The following ILDR2 variants were observed in gnomAD, a reference collection of about 807,000 sequenced individuals.
ILDR2 encodes immunoglobulin like domain containing receptor 2, also known as immunoglobulin-like domain-containing receptor 2.
Under a neutral mutation model 66.8 loss-of-function variants are expected in ILDR2, and 25 were observed. The observed-to-expected ratio is 0.37, with a 90% CI of 0.27 to 0.52. ILDR2 has a LOEUF of 0.52. ILDR2 is among the 20% of genes least tolerant of loss of function. The probability of loss-of-function intolerance (pLI) is 0.88; values close to 1 mark genes in which losing one functional copy is unlikely to be tolerated. For synonymous variants in ILDR2, 367 were observed against 357.2 expected, an observed-to-expected ratio of 1.03 and a Z score of -0.31; for missense variants, 827 against 876.8, an observed-to-expected ratio of 0.94 and a Z score of 0.72.
In ILDR2 at chr1:166,935,912, G is replaced by A. The variant is rs183108444; in HGVS notation, c.704-435C>T. ...AAAGCAAGTAATGGGCTTGCACATG[G>A]TCCTTGCTCTGTGATTTCAAAAGCA... is the stretch of plus-strand genomic sequence containing the variant. On this transcript the variant is annotated intron_variant, in intron 5 of 9. Transcript: ENST00000271417. 1.3e-4 allele frequency among the ~76,000 whole-genome samples: 20 copies of A among 152,316 alleles called. No homozygotes were observed. In the East Asian group the frequency reaches 3.3e-3, roughly 25 times the overall value.
intron 6 of ILDR2, chr1:166,933,563 G>A: frequency 1.0e-6 from 1 of 982,336 alleles, no homozygotes; most frequent in Non-Finnish European, 1.2e-6. Context: ...AGACCAAAAT[G>A]GTTGAACTGC....
At chr1:166,934,890 T>C (rs1359761027) in intron 6 of ILDR2, among the ~76,000 whole-genome samples, 1 of 152,234 alleles carries the variant, frequency 6.6e-6, no homozygotes, top group African/African-American at 2.4e-5. Context: ...TAGCATCTGA[T>C]TATCCTAATA....
intron 2 of ILDR2, among the ~76,000 whole-genome samples, chr1:166,899,691 A>G (rs1571254471): frequency 6.6e-6 from 1 of 152,392 alleles, no homozygotes; most frequent in East Asian, 1.9e-4. Context: ...CCAAACATTC[A>G]AGCATTTAGA....
At chr1:166,906,825 G>GT (rs781604458), downstream of ILDR2, among the ~76,000 whole-genome samples, 45 of 152,200 alleles carry the variant, frequency 3.0e-4, no homozygotes, top group Non-Finnish European at 5.0e-4. Context: ...TGACGTGGCT[G>GT]TATGTGAGAG....
chr1:166,899,044 C>T (rs547899000), intron 2 of ILDR2, among the ~76,000 whole-genome samples: 19 of 148,850 alleles, frequency 1.3e-4, no homozygotes, highest in Admixed American at 5.3e-4. Flanking sequence ...TGGGTGACAA[C>T]GCAAGACCCT....
chr1:166,958,018 A>G lies in ILDR2; in HGVS notation c.130T>C (p.Phe44Leu). 4 of 1,614,158 alleles carry G rather than the reference A, an allele frequency of 2.5e-6. No homozygotes were observed. In the East Asian group the frequency reaches 6.7e-5, roughly 27 times the overall value. Residue 44 changes from phenylalanine (F) to leucine (L), a missense_variant, in exon 2 of 10, where the codon TTC (phenylalanine) becomes CTC (leucine). Around this residue, in one of 2 missense-constraint regions of ILDR2, gnomAD observed 437 missense variants for 523.2 expected, o/e 0.84. Transcript: ENST00000271417. ...LFQPTVLRCH[F>L]STSSHQPAVV... is the part of the protein sequence containing the mutation. ...GCAGGCTGATGGGAGGATGTTGAGAAGTGGCAGCGAAGCACAGTGGGCTGG... is the reference window on the plus strand; with the variant it reads ...GCAGGCTGATGGGAGGATGTTGAGAGGTGGCAGCGAAGCACAGTGGGCTGG...
intron 2 of ILDR2, among the ~76,000 whole-genome samples, chr1:166,901,760 C>T (rs1047564367): frequency 6.6e-6 from 1 of 152,216 alleles, no homozygotes; most frequent in African/African-American, 2.4e-5. Flanking sequence ...CACAAGGCTG[C>T]TTAGTCTCAT....
At chr1:166,968,158 G>A (rs1663071400) in intron 1 of ILDR2, among the ~76,000 whole-genome samples, 1 of 152,184 alleles carries the variant, frequency 6.6e-6, no homozygotes, top group Non-Finnish European at 1.5e-5. Flanking sequence ...GCTCCTTTCA[G>A]ATGGGGCCAT....
chr1:166,935,248 C>T (rs1252402597), intron 6 of ILDR2, 53 bp downstream of exon 6: 2 of 1,584,008 alleles, frequency 1.3e-6, no homozygotes, highest in Non-Finnish European at 8.7e-7. Flanking sequence ...AACAAGGAAC[C>T]ACTGTGGGGG....
Position 166,958,026 on chromosome 1 carries a change from C to T in ILDR2, c.122G>A (p.Arg41His), listed in dbSNP as rs937233990. Residue 41 changes from arginine to histidine, a missense_variant, in exon 2 of 10, where the codon CGC becomes CAC. Transcript: ENST00000271417. ...VAMLFQPTVLRCHFSTSSHQP... is the reference protein window; with the variant it reads ...VAMLFQPTVLHCHFSTSSHQP... Reference sequence around the variant, plus strand: ...ATGGGAGGATGTTGAGAAGTGGCAGCGAAGCACAGTGGGCTGGAAGAGCAT... The same window carrying T: ...ATGGGAGGATGTTGAGAAGTGGCAGTGAAGCACAGTGGGCTGGAAGAGCAT... 3.7e-6 allele frequency: 6 copies of T among 1,613,988 alleles called. No homozygotes were observed. Among genetic ancestry groups the T allele is most frequent in the East Asian group, 2.2e-5 (1 of 44,888 alleles).
Position 166,922,756 on chromosome 1 carries a change from G to A in ILDR2, c.1048C>T (p.Arg350Cys), listed in dbSNP as rs781093460. The change falls in exon 8 of 10, where the codon CGC becomes TGC. Residue 350 changes from arginine to cysteine, a missense_variant. Arg to Cys is a radical substitution (Grantham distance 180). Transcript: ENST00000271417. ...SSLHEEDSNFRQSFHQMRSKQ... is the reference protein window; with the variant it reads ...SSLHEEDSNFCQSFHQMRSKQ... Reference sequence around the variant, plus strand: ...CTTCTCATCTGATGGAAAGACTGGCGGAAATTGCTGTCCTCCTCATGTAGG... The same window carrying A: ...CTTCTCATCTGATGGAAAGACTGGCAGAAATTGCTGTCCTCCTCATGTAGG... 8.1e-6 allele frequency: 13 copies of A among 1,614,206 alleles called. No individual in the cohort carries two copies. Among genetic ancestry groups the A allele is most frequent in the East Asian group, 4.5e-5 (2 of 44,886 alleles).
chr1:166,927,327 C>T, intron 6 of ILDR2, 147 bp from the exon 7 acceptor site: 1 of 580,804 alleles, frequency 1.7e-6, no homozygotes, highest in Non-Finnish European at 3.0e-6. Flanking sequence ...TATATTTATA[C>T]ATATGGGACC....
chr1:166,967,567 G>T (rs949482762), intron 1 of ILDR2, among the ~76,000 whole-genome samples: 1 of 152,144 alleles, frequency 6.6e-6, no homozygotes. Flanking sequence ...TACCAGCCTG[G>T]CCAACATGGC....
intron 3 of ILDR2, among the ~76,000 whole-genome samples, chr1:166,951,182 C>T (rs576013349): frequency 2.6e-5 from 4 of 152,280 alleles, no homozygotes; most frequent in African/African-American, 4.8e-5. Context: ...CCACCCCCAA[C>T]AACAGGACTT....
rs1367781762 is a variant in ILDR2 at position 166,910,888 on chromosome 1, T to C, written c.*8467A>G. 2 of 152,244 alleles carry C rather than the reference T, an allele frequency of 1.3e-5. No individual in the cohort carries two copies. The highest frequency in any genetic ancestry group is 6.5e-5 in the Admixed American group (1 of 15,276). 9.4% of individuals were successfully genotyped at this position (152,244 alleles called of 1,614,324 possible). ...CTAATTTTAATCCATCCTATGAGTC[T>C]AGTCCTTCCTTGCTGCTTCTTTTTT... On this transcript the variant is annotated 3_prime_UTR_variant, in exon 10 of 10. Coordinates refer to ENST00000271417, the MANE Select transcript of ILDR2 (RefSeq NM_199351.3).
intron 6 of ILDR2, among the ~76,000 whole-genome samples, chr1:166,934,227 A>G (rs1475235470): frequency 6.6e-6 from 1 of 152,076 alleles, no homozygotes; most frequent in Non-Finnish European, 1.5e-5. Context: ...ACCCCTGCCT[A>G]TAACCACAAA....
chr1:166,963,540 G>T (rs1441653428), intron 1 of ILDR2, among the ~76,000 whole-genome samples: 2 of 152,058 alleles, frequency 1.3e-5, no homozygotes, highest in Non-Finnish European at 2.9e-5. Context: ...CCAACTAAAT[G>T]GTCTTCCTAC....
chr1:166,928,545 T>C (rs935674606), intron 6 of ILDR2, among the ~76,000 whole-genome samples: 1 of 152,236 alleles, frequency 6.6e-6, no homozygotes, highest in African/African-American at 2.4e-5. Context: ...CAGCATTCCC[T>C]GTTCCCAAAG....
chr1:166,956,606 G>T, intron 3 of ILDR2, 127 bp downstream of exon 3: 1 of 942,482 alleles, frequency 1.1e-6, no homozygotes, highest in Non-Finnish European at 1.6e-6. Flanking sequence ...AAAAGGGAGT[G>T]TGCATGAAAG....
Sources: allele counts gnomAD v4.1 joint callset (sites outside exome capture counted in the v4.1 genomes callset), GRCh38; gene constraint gnomAD v4.1.1; regional missense constraint gnomAD v4.1.1; transcripts MANE v1.5; gene names NCBI Gene and HGNC (gene_info 2026-07-23, HGNC 2026-07-21).